CFAP58: variants seen among roughly 807,000 people sequenced by gnomAD.
The protein encoded by CFAP58 is cilia- and flagella-associated protein 58.
In CFAP58, 88 loss-of-function variants were observed where a neutral mutation model predicts 119.5. The ratio of observed to expected loss-of-function variants is 0.74; its 90% CI spans 0.62 to 0.88. The LOEUF is 0.88. Ranked by LOEUF, CFAP58 falls within the 40% of genes least tolerant of loss-of-function variation. The pLI is 0.00. For missense variants in CFAP58, 990 were observed against 1,021.2 expected (o/e 0.97, Z 0.42); for synonymous variants, 365 against 366.3 (o/e 1.00, Z 0.04).
At chr10:104,361,894 T>C (rs982569061) in intron 2 of CFAP58, 129 bp from the exon 3 acceptor site, 1 of 844,854 alleles carries the variant, frequency 1.2e-6, no homozygotes, top group South Asian at 1.8e-5. Context: ...GACTAGCTCA[T>C]GTTAAACAAT....
intron 15 of CFAP58, among the ~76,000 whole-genome samples, chr10:104,435,217 C>T (rs1250333647): frequency 4.6e-5 from 7 of 152,216 alleles, no homozygotes; most frequent in African/African-American, 1.4e-4. Context: ...CATGTTGGCT[C>T]AAGGCTGTAA....
At chr10:104,382,361 T>C (rs2011828954) in intron 9 of CFAP58, 1 of 549,896 alleles carries the variant, frequency 1.8e-6, no homozygotes, top group South Asian at 2.5e-5. Context: ...TAAAATGTCA[T>C]CTGTTGCAGC....
At chr10:104,342,666 C>CAAAAA in the CFAP58 span, among the ~76,000 whole-genome samples, 14 of 90,308 alleles carry the variant, frequency 1.6e-4, no homozygotes, top group East Asian at 9.3e-4. Flanking sequence ...CCCGTCTATA[C>CAAAAA]AAAAAAAAAA....
chr10:104,372,150 C>T (rs368313592), intron 7 of CFAP58, among the ~76,000 whole-genome samples: 8 of 152,046 alleles, frequency 5.3e-5, no homozygotes, highest in Admixed American at 2.0e-4. Context: ...GTCAGGAGTT[C>T]GAGATCAGCC....
At chr10:104,434,046 G>A (rs1449184398) in intron 15 of CFAP58, among the ~76,000 whole-genome samples, 1 of 152,138 alleles carries the variant, frequency 6.6e-6, no homozygotes, top group Non-Finnish European at 1.5e-5. Context: ...ACTGGCCTGG[G>A]TAGGAATCCT....
At chr10:104,422,282 C>T (rs1332644369) in intron 15 of CFAP58, among the ~76,000 whole-genome samples, 1 of 152,216 alleles carries the variant, frequency 6.6e-6, no homozygotes, top group African/African-American at 2.4e-5. Flanking sequence ...CATATGTGAA[C>T]TCCCTTTCAG....
chr10:104,402,900 G>A (rs2012290942), intron 13 of CFAP58, among the ~76,000 whole-genome samples: 1 of 152,172 alleles, frequency 6.6e-6, no homozygotes, highest in Non-Finnish European at 1.5e-5. Context: ...TGTGTAGTGA[G>A]GGTAGAGACG....
intron 1 of CFAP58, among the ~76,000 whole-genome samples, chr10:104,357,946 CACATATATACACATATATGT>C (rs2014598920): frequency 2.6e-5 from 2 of 77,852 alleles, no homozygotes; most frequent in Non-Finnish European, 5.4e-5. Context: ...CATATATGTA[CACATATATACACATATATGT>C]ACACATATGT....
rs1033382658 is a variant in CFAP58, at chr10:104,454,748, C to T, written c.*218C>T. 1.2e-5 allele frequency: 6 copies of T among 507,616 alleles called. No individual in the cohort carries two copies. The highest frequency in any genetic ancestry group is 2.1e-5 in the Non-Finnish European group (6 of 287,894). 31.4% of individuals were successfully genotyped at this position (507,616 alleles called of 1,614,324 possible). ...TCATAATTCTCTCTGTTCAGTTAGG[C>T]TGACCTATTGCATGAAGCAAATCTT... On this transcript the variant is annotated 3_prime_UTR_variant, in exon 18 of 18. Transcript: ENST00000369704.
intron 15 of CFAP58, among the ~76,000 whole-genome samples, chr10:104,430,105 G>A (rs1219082725): frequency 2.0e-5 from 3 of 152,112 alleles, no homozygotes; most frequent in African/African-American, 4.8e-5. Context: ...ACATGGTGAG[G>A]GAAGGGGGGT....
At chr10:104,357,834 T>C (rs1267963991) in intron 1 of CFAP58, among the ~76,000 whole-genome samples, 5 of 122,594 alleles carry the variant, frequency 4.1e-5, no homozygotes, top group Admixed American at 7.9e-5. Context: ...TACACATATA[T>C]GTACACATAT....
chr10:104,412,474 G>T (rs1321848239), intron 15 of CFAP58, among the ~76,000 whole-genome samples: 2 of 152,072 alleles, frequency 1.3e-5, no homozygotes, highest in African/African-American at 2.4e-5. Context: ...TCAGCAGCTT[G>T]TATAACCCCA....
At chr10:104,371,677 AAC>A (rs965233105) in intron 7 of CFAP58, among the ~76,000 whole-genome samples, 1 of 152,214 alleles carries the variant, frequency 6.6e-6, no homozygotes, top group Non-Finnish European at 1.5e-5. Flanking sequence ...GAAATAAGTG[AAC>A]ACAGAGCACT....
chr10:104,409,657 G>A (rs77488383), intron 15 of CFAP58, among the ~76,000 whole-genome samples: 1 of 152,082 alleles, frequency 6.6e-6, no homozygotes, highest in African/African-American at 2.4e-5. Context: ...GTGAGTATAA[G>A]ATTATAATTT....
At chr10:104,347,748 A>AT in the CFAP58 span, among the ~76,000 whole-genome samples, 4 of 152,032 alleles carry the variant, frequency 2.6e-5, no homozygotes, top group Non-Finnish European at 5.9e-5. Context: ...AAATAAGGTT[A>AT]TTTTGTTAGG....
rs2014674415 is a variant in CFAP58, at chr10:104,362,078, C to G, written c.347C>G (p.Ala116Gly). The G allele has an allele frequency of 6.2e-7, 1 of 1,613,900 alleles. No individual in the cohort carries two copies. Among genetic ancestry groups the G allele is most frequent in the Admixed American group, 1.7e-5 (1 of 59,964 alleles). Residue 116 changes from alanine (A) to glycine (G), a missense_variant, in exon 3 of 18, where the codon GCC (alanine) becomes GGC (glycine). Transcript: ENST00000369704. ...VDSAYDKEQK[A>G]KETILALKEE... is the part of the protein sequence containing the mutation. The stretch of plus-strand genomic sequence containing the variant: ...TCAGCCTATGACAAAGAGCAGAAGG[C>G]CAAGGAGACGATTCTTGCTCTGAAA...
intron 6 of CFAP58, 50 bp downstream of exon 6, chr10:104,368,610 G>A: frequency 6.2e-7 from 1 of 1,602,078 alleles, no homozygotes; most frequent in Non-Finnish European, 8.5e-7. Flanking sequence ...TCCTAACACA[G>A]GTTTGCCTTG....
At chr10:104,442,299 T>C (rs2133092339) in intron 15 of CFAP58, among the ~76,000 whole-genome samples, 1 of 152,190 alleles carries the variant, frequency 6.6e-6, no homozygotes, top group East Asian at 1.9e-4. Flanking sequence ...GTTTAAGAAT[T>C]ATGCTTACGG....
chr10:104,417,735 C>A (rs1336770782), intron 15 of CFAP58, among the ~76,000 whole-genome samples: 1 of 152,206 alleles, frequency 6.6e-6, no homozygotes, highest in Non-Finnish European at 1.5e-5. Flanking sequence ...CTGCGCTGCC[C>A]TGTGCTGAGC....
Sources: allele counts gnomAD v4.1 joint callset (sites outside exome capture counted in the v4.1 genomes callset), GRCh38; gene constraint gnomAD v4.1.1; transcripts MANE v1.5; gene names NCBI Gene and HGNC (gene_info 2026-07-23, HGNC 2026-07-21).